Variants in DTNB observed in about 807,000 individuals in gnomAD.
The protein encoded by DTNB is dystrobrevin beta.
In DTNB, 63 loss-of-function variants were observed where a neutral mutation model predicts 90.7. The ratio of observed to expected loss-of-function variants is 0.69; its 90% CI spans 0.57 to 0.86. The LOEUF (loss-of-function observed/expected upper bound fraction) is 0.86, where lower values mean the gene tolerates loss of function less well. Ranked by LOEUF, DTNB falls within the 40% of genes least tolerant of loss-of-function variation. DTNB has a pLI of 0.00. For synonymous variants in DTNB, 277 were observed against 286.7 expected, an observed-to-expected ratio of 0.97 and a Z score of 0.34; for missense variants, 744 against 807.1, an observed-to-expected ratio of 0.92 and a Z score of 0.95.
intron 6 of DTNB, among the ~76,000 whole-genome samples, chr2:25,592,390 A>G (rs1050735430): frequency 6.6e-6 from 1 of 152,188 alleles, no homozygotes; most frequent in African/African-American, 2.4e-5. Flanking sequence ...GGCTTCTTGC[A>G]GTTTGTAAAG....
intron 8 of DTNB, among the ~76,000 whole-genome samples, chr2:25,573,414 C>T (rs1559081711): frequency 6.6e-6 from 1 of 152,206 alleles, no homozygotes; most frequent in Admixed American, 6.5e-5. Flanking sequence ...CCTTTTTCAA[C>T]TGAGAAGGTC....
intron 8 of DTNB, among the ~76,000 whole-genome samples, chr2:25,538,469 T>TA: frequency 6.6e-6 from 1 of 152,306 alleles, no homozygotes; most frequent in Middle Eastern, 3.4e-3. Context: ...TTCTTTTTTT[T>TA]AGACAGAGTT....
intron 8 of DTNB, among the ~76,000 whole-genome samples, chr2:25,564,123 G>A (rs1200057933): frequency 6.6e-6 from 1 of 151,962 alleles, no homozygotes. Flanking sequence ...GGATGGTCTC[G>A]ATCTCCTGAC....
chr2:25,483,937 TA>T (rs2065530552), intron 9 of DTNB, among the ~76,000 whole-genome samples: 1 of 152,216 alleles, frequency 6.6e-6, no homozygotes. Flanking sequence ...TTTAGATACA[TA>T]AATACCCTTG....
chr2:25,528,553 A>C (rs894253012), intron 9 of DTNB, among the ~76,000 whole-genome samples: 5 of 152,246 alleles, frequency 3.3e-5, no homozygotes, highest in African/African-American at 4.8e-5. Flanking sequence ...ATAAGGTACC[A>C]GAATTAACGA....
chr2:25,602,649 C>T (rs1017307786), intron 5 of DTNB, among the ~76,000 whole-genome samples: 2 of 152,208 alleles, frequency 1.3e-5, no homozygotes, highest in Admixed American at 1.3e-4. Flanking sequence ...CAGAAAGAAT[C>T]TCAGGTCATC....
intron 2 of DTNB, among the ~76,000 whole-genome samples, chr2:25,644,671 T>C (rs1398486537): frequency 2.0e-5 from 3 of 152,146 alleles, no homozygotes; most frequent in Non-Finnish European, 2.9e-5. Flanking sequence ...GATAATGACT[T>C]GAACCCTGGA....
At chr2:25,624,758 G>T (rs886263268) in intron 4 of DTNB, among the ~76,000 whole-genome samples, 1 of 152,130 alleles carries the variant, frequency 6.6e-6, no homozygotes, top group Non-Finnish European at 1.5e-5. Flanking sequence ...TTTGGATATC[G>T]TTATTATATT....
intron 1 of DTNB, among the ~76,000 whole-genome samples, chr2:25,665,476 A>T (rs1386087588): frequency 1.3e-5 from 2 of 152,180 alleles, no homozygotes; most frequent in African/African-American, 4.8e-5. Flanking sequence ...AATAGAAAAA[A>T]ATAGCCAGAT....
intron 11 of DTNB, among the ~76,000 whole-genome samples, chr2:25,454,023 G>A (rs796920294): frequency 9.9e-5 from 15 of 152,048 alleles, no homozygotes; most frequent in Admixed American, 6.5e-4. Flanking sequence ...GGTGATGAGC[G>A]CCTGTGGTCC....
At chr2:25,631,769 A>T (rs745895817) in intron 3 of DTNB, among the ~76,000 whole-genome samples, 1 of 152,194 alleles carries the variant, frequency 6.6e-6, no homozygotes, top group Non-Finnish European at 1.5e-5. Context: ...ATACACACTC[A>T]AAAAGTACAG....
chr2:25,588,979 A>G (rs2062981349), intron 6 of DTNB, among the ~76,000 whole-genome samples: 1 of 152,256 alleles, frequency 6.6e-6, no homozygotes, highest in Non-Finnish European at 1.5e-5. Flanking sequence ...TAACAAATAT[A>G]GATACACCTG....
intron 16 of DTNB, among the ~76,000 whole-genome samples, chr2:25,406,556 G>A (rs956564904): frequency 2.0e-5 from 3 of 149,960 alleles, no homozygotes; most frequent in Admixed American, 1.3e-4. Flanking sequence ...AAAAAAATTC[G>A]AGACCAGCTT....
intron 9 of DTNB, among the ~76,000 whole-genome samples, chr2:25,505,779 CAA>C (rs1393035168): frequency 6.6e-6 from 1 of 152,106 alleles, no homozygotes; most frequent in Non-Finnish European, 1.5e-5. Context: ...CAATTTCATC[CAA>C]AGTCTTTAAA....
chr2:25,458,054 C>T (rs1012547631), intron 10 of DTNB, among the ~76,000 whole-genome samples: 33 of 152,102 alleles, frequency 2.2e-4, no homozygotes, highest in East Asian at 1.5e-3. Context: ...AGGATGGTCT[C>T]GATCTCTTGA....
intron 15 of DTNB, among the ~76,000 whole-genome samples, chr2:25,427,129 C>A (rs763842098): frequency 2.4e-4 from 37 of 151,148 alleles, no homozygotes; most frequent in Admixed American, 7.3e-4. Flanking sequence ...AGTGAGCCAA[C>A]ATTGTGCCAC....
chr2:25,588,412 C>G (rs1057244283), intron 6 of DTNB, among the ~76,000 whole-genome samples: 5 of 151,384 alleles, frequency 3.3e-5, no homozygotes, highest in African/African-American at 1.2e-4. Context: ...TATTGCCAGG[C>G]TGGAGTGCAG....
At position 25,616,630 on chromosome 2, in the gene DTNB, T is replaced by TAA. The variant is rs58950790; in HGVS notation, c.363-9311_363-9310dup. ...ATAATCTAGATCAGGCTATTTATAG[T>TAA]AAAAAAAAAAAAAAAGACTTGGCCG... On this transcript the variant is annotated intron_variant, in intron 4 of 20. Coordinates refer to ENST00000406818, the MANE Select transcript of DTNB (RefSeq NM_021907.5). Among the ~76,000 whole-genome samples the TAA allele has an allele frequency of 1.9e-3, 218 of 117,674 alleles. 13 individuals carry two copies. The highest frequency in any genetic ancestry group is 5.0e-3 in the Middle Eastern group (1 of 200). 77.2% of individuals were successfully genotyped at this position (117,674 alleles called of 152,430 possible).
At chr2:25,636,397 C>G (rs2077134104) in intron 3 of DTNB, among the ~76,000 whole-genome samples, 1 of 152,096 alleles carries the variant, frequency 6.6e-6, no homozygotes, top group African/African-American at 2.4e-5. Context: ...ACCTTTAGAA[C>G]AATGCATCTT....
Sources: gnomAD v4.1 joint callset for allele counts (sites outside exome capture counted in the v4.1 genomes callset) on GRCh38, gnomAD v4.1.1 for gene constraint, MANE v1.5 for transcripts, NCBI Gene and HGNC (gene_info 2026-07-23, HGNC 2026-07-21) for gene names.